Variants in TCF7L1 observed in about 807,000 individuals in gnomAD.
TCF7L1 encodes transcription factor 7 like 1, also known as transcription factor 7-like 1.
In TCF7L1, 18 loss-of-function variants were observed where a neutral mutation model predicts 63.7. That is an observed-to-expected ratio of 0.28 (90% CI 0.20 to 0.42). TCF7L1 has a LOEUF of 0.42. Ranked by LOEUF, TCF7L1 falls within the 10% of genes least tolerant of loss-of-function variation. The pLI is 1.00. For synonymous variants in TCF7L1, 355 were observed against 340.9 expected (o/e 1.04, Z -0.46); for missense variants, 654 against 779.3 (o/e 0.84, Z 1.91).
intron 3 of TCF7L1, among the ~76,000 whole-genome samples, chr2:85,152,733 C>T (rs563313813): frequency 7.6e-6 from 1 of 131,094 alleles, no homozygotes; most frequent in Admixed American, 8.2e-5. Flanking sequence ...CCACGTCCAG[C>T]CTAGTCTCTT....
At chr2:85,267,836 G>A (rs1180480116) in intron 3 of TCF7L1, among the ~76,000 whole-genome samples, 1 of 152,140 alleles carries the variant, frequency 6.6e-6, no homozygotes, top group African/African-American at 2.4e-5. Context: ...ATCACTAAAT[G>A]TTTTCTTTAA....
intron 3 of TCF7L1, chr2:85,233,859 T>C (rs1680134007): frequency 6.6e-6 from 1 of 152,196 alleles, no homozygotes; most frequent in Non-Finnish European, 1.5e-5. Flanking sequence ...CTCACTAATA[T>C]GCACTTGAAA....
chr2:85,305,564 C>CAGAGGGA (rs1682087317), intron 8 of TCF7L1, among the ~76,000 whole-genome samples, 161 bp downstream of exon 8: 2 of 152,146 alleles, frequency 1.3e-5, no homozygotes, highest in African/African-American at 4.8e-5. Context: ...GGGACTTACT[C>CAGAGGGA]CCTCTGACCT....
intron 3 of TCF7L1, among the ~76,000 whole-genome samples, chr2:85,241,549 C>T (rs772294785): frequency 2.7e-5 from 4 of 146,234 alleles, no homozygotes; most frequent in Admixed American, 7.2e-5. Flanking sequence ...CGGGTTCAAG[C>T]GATTCTCCTG....
chr2:85,214,048 G>C (rs1044460079), intron 3 of TCF7L1, among the ~76,000 whole-genome samples: 1 of 152,210 alleles, frequency 6.6e-6, no homozygotes, highest in African/African-American at 2.4e-5. Context: ...GGTGAGAGGT[G>C]TGAGGGATGA....
Position 85,134,577 on chromosome 2 carries a change from G to T in TCF7L1, c.441+127G>T. 13 of 1,295,098 alleles carry T rather than the reference G, an allele frequency of 1.0e-5. No individual in the cohort carries two copies. Among genetic ancestry groups the T allele is most frequent in the African/African-American group, 3.0e-5 (2 of 66,786 alleles). The allele number at this position is 1,295,098 out of a possible 1,614,324, so 80.2% of individuals were successfully genotyped here. A position where few individuals can be genotyped will look rare whatever the true frequency, so the allele number is the denominator to read the frequency against. ...ATCCCAAGCAGAACTTGTTTGCGGAGTTGAACTACTCTCTGGCGGCCGAGC... is the reference window on the plus strand; with the variant it reads ...ATCCCAAGCAGAACTTGTTTGCGGATTTGAACTACTCTCTGGCGGCCGAGC... On this transcript the variant is annotated intron_variant, in intron 3 of 11. Transcript: ENST00000282111. This position sits in a 1 kb window ranked among gnomAD's most constrained non-coding sequence, Gnocchi z 5.0.
At chr2:85,206,861 A>G (rs1052746462) in intron 3 of TCF7L1, among the ~76,000 whole-genome samples, 1 of 152,270 alleles carries the variant, frequency 6.6e-6, no homozygotes, top group African/African-American at 2.4e-5. Flanking sequence ...GGAAAAAAAG[A>G]TAATCCAATC....
intron 3 of TCF7L1, among the ~76,000 whole-genome samples, chr2:85,261,689 G>C (rs1680859848): frequency 6.6e-6 from 1 of 151,964 alleles, no homozygotes; most frequent in Non-Finnish European, 1.5e-5. Flanking sequence ...CCAGGAGTTT[G>C]AGACCAGCCT....
chr2:85,176,679 C>T (rs1238201926), intron 3 of TCF7L1, among the ~76,000 whole-genome samples: 1 of 152,076 alleles, frequency 6.6e-6, no homozygotes, highest in Non-Finnish European at 1.5e-5. Context: ...CATCTTAGTC[C>T]GTTCTGGCTG....
chr2:85,221,282 C>G (rs1447388466), intron 3 of TCF7L1, among the ~76,000 whole-genome samples: 1 of 152,114 alleles, frequency 6.6e-6, no homozygotes, highest in Non-Finnish European at 1.5e-5. Flanking sequence ...ATTTGTCCTG[C>G]CTGTGCTGTG....
chr2:85,266,706 A>G (rs1434356485), intron 3 of TCF7L1, among the ~76,000 whole-genome samples: 4 of 152,396 alleles, frequency 2.6e-5, no homozygotes, highest in South Asian at 2.1e-4. Context: ...CGGCTTATCC[A>G]TATTGAAACT....
chr2:85,300,985 G>A (rs1223713475), intron 4 of TCF7L1, among the ~76,000 whole-genome samples: 4 of 151,882 alleles, frequency 2.6e-5, no homozygotes, highest in South Asian at 2.1e-4. Context: ...TCACCATGTC[G>A]GCCAGGCTAG....
chr2:85,271,117 T>A (rs1681143399), intron 3 of TCF7L1, among the ~76,000 whole-genome samples: 1 of 151,756 alleles, frequency 6.6e-6, no homozygotes, highest in African/African-American at 2.4e-5. Context: ...AGGCTCAATT[T>A]CCTTTGTTTT....
Position 85,183,161 on chromosome 2 carries a change from G to A in TCF7L1, c.441+48711G>A, listed in dbSNP as rs145094451. Among the ~76,000 whole-genome samples, 49 of 152,224 alleles carry A rather than the reference G, an allele frequency of 3.2e-4. No homozygotes were observed. In the East Asian group the frequency reaches 4.4e-3, roughly 14 times the overall value. On this transcript the variant is annotated intron_variant, in intron 3 of 11. Coordinates refer to ENST00000282111, the MANE Select transcript of TCF7L1 (RefSeq NM_031283.3). The stretch of plus-strand genomic sequence containing the variant: ...CAGTGAAAAGGGGCAGCACAGAGCC[G>A]GGTTTAACCTGGTATCTGCCTGAAA...
chr2:85,219,286 G>A (rs1679788177), intron 3 of TCF7L1, among the ~76,000 whole-genome samples: 1 of 152,194 alleles, frequency 6.6e-6, no homozygotes, highest in African/African-American at 2.4e-5. Flanking sequence ...TGTTGGCGAG[G>A]ATGTTTGTTA....
intron 3 of TCF7L1, among the ~76,000 whole-genome samples, chr2:85,229,832 A>C (rs2104310879): frequency 6.6e-6 from 1 of 151,762 alleles, no homozygotes; most frequent in Middle Eastern, 3.4e-3. Context: ...ACATGGGAAA[A>C]CCTGTCTCTA....
intron 3 of TCF7L1, among the ~76,000 whole-genome samples, chr2:85,146,736 T>C (rs1677888917): frequency 1.3e-5 from 2 of 152,208 alleles, no homozygotes; most frequent in South Asian, 4.1e-4. Context: ...TGTTCTGACC[T>C]CAGGTGATCT....
In TCF7L1 at chr2:85,276,178, C is replaced by A. The variant is rs532777195; in HGVS notation, c.442-7317C>A. Among the ~76,000 whole-genome samples, 3 of 152,290 alleles carry A rather than the reference C, an allele frequency of 2.0e-5. No individual in the cohort carries two copies. In the South Asian group the frequency reaches 6.2e-4, roughly 32 times the overall value. ...GACTGCTGAAAACTAAAAATGTTTT[C>A]CCAATTGGGAAAGCTTTTCTGTCTC... On this transcript the variant is annotated intron_variant, in intron 3 of 11. Coordinates refer to ENST00000282111, the MANE Select transcript of TCF7L1 (RefSeq NM_031283.3).
chr2:85,138,820 A>G (rs193183518), intron 3 of TCF7L1, among the ~76,000 whole-genome samples: 16 of 152,332 alleles, frequency 1.1e-4, no homozygotes, highest in Admixed American at 1.3e-4. Context: ...CTAACAGCGT[A>G]TTCCAGCCTT....
Sources: allele counts gnomAD v4.1 joint callset (sites outside exome capture counted in the v4.1 genomes callset), GRCh38; gene constraint gnomAD v4.1.1; non-coding constraint Gnocchi (gnomAD v3.1); transcripts MANE v1.5; gene names NCBI Gene and HGNC (gene_info 2026-07-23, HGNC 2026-07-21).